Variants in GKAP1 observed in about 807,000 individuals in gnomAD.
The protein encoded by GKAP1 is G kinase-anchoring protein 1.
Under a neutral mutation model 56.7 loss-of-function variants are expected in GKAP1, and 31 were observed. The observed-to-expected ratio is 0.55, with a 90% CI of 0.41 to 0.74. The LOEUF (loss-of-function observed/expected upper bound fraction) is 0.74. Among genes scored for constraint, GKAP1 ranks in the 30% least tolerant of loss-of-function variants. The pLI, the probability that GKAP1 is intolerant of heterozygous loss-of-function variation, is 0.00. For synonymous variants in GKAP1, 151 were observed against 138.6 expected, an observed-to-expected ratio of 1.09 and a Z score of -0.63; for missense variants, 364 against 402.3, an observed-to-expected ratio of 0.90 and a Z score of 0.82.
intron 8 of GKAP1, among the ~76,000 whole-genome samples, chr9:83,754,634 T>G (rs1943444283): frequency 6.6e-6 from 1 of 152,020 alleles, no homozygotes; most frequent in Admixed American, 6.6e-5. Flanking sequence ...CCTGGAGAAT[T>G]TGAAGAAAAA....
At chr9:83,773,673 C>T (rs1447842384) in intron 7 of GKAP1, among the ~76,000 whole-genome samples, 2 of 152,060 alleles carry the variant, frequency 1.3e-5, no homozygotes, top group Admixed American at 6.6e-5. Flanking sequence ...TAGTGTTGAT[C>T]ATTTCCATGT....
At chr9:83,804,354 T>G (rs1440193893) in intron 3 of GKAP1, among the ~76,000 whole-genome samples, 71 of 68,250 alleles carry the variant, frequency 1.0e-3, no homozygotes, top group South Asian at 3.9e-3. Flanking sequence ...GGTGGGGGGG[T>G]CAGCCCCCCG....
chr9:83,789,835 C>A (rs1314058203), intron 4 of GKAP1, among the ~76,000 whole-genome samples: 1 of 152,166 alleles, frequency 6.6e-6, no homozygotes, highest in African/African-American at 2.4e-5. Context: ...TGCCTCTGAG[C>A]ACTCCCAAAT....
intron 8 of GKAP1, among the ~76,000 whole-genome samples, chr9:83,754,752 T>G (rs1478023887): frequency 6.6e-6 from 1 of 152,226 alleles, no homozygotes; most frequent in Non-Finnish European, 1.5e-5. Context: ...AAGAACAGTC[T>G]GCACATTATT....
intron 2 of GKAP1, among the ~76,000 whole-genome samples, chr9:83,807,313 T>C (rs1564216443): frequency 6.6e-6 from 1 of 152,196 alleles, no homozygotes; most frequent in Non-Finnish European, 1.5e-5. Context: ...CTTCCCTTAG[T>C]TCTTTCTGGA....
Position 83,817,687 on chromosome 9 carries a change from G to A in GKAP1, c.-346C>T, listed in dbSNP as rs1250993769. ...GGGGGTCGCGGTCGGCCCACAGGCT[G>A]GGCACTAACGGGTCCCGGGGCGCCG... is the stretch of plus-strand genomic sequence containing the variant. On this transcript the variant is annotated 5_prime_UTR_variant, in exon 1 of 13. Coordinates refer to ENST00000376371, the MANE Select transcript of GKAP1 (RefSeq NM_025211.4). 2.0e-5 allele frequency: 3 copies of A among 151,430 alleles called. No homozygotes were observed. The highest frequency in any genetic ancestry group is 2.1e-4 in the South Asian group (1 of 4,832). 9.4% of individuals were successfully genotyped at this position (151,430 alleles called of 1,614,324 possible). A position where few individuals can be genotyped will look rare whatever the true frequency, so the allele number is the denominator to read the frequency against.
intron 8 of GKAP1, among the ~76,000 whole-genome samples, chr9:83,758,400 C>G (rs554569071): frequency 2.4e-4 from 36 of 152,096 alleles, no homozygotes; most frequent in African/African-American, 8.7e-4. Flanking sequence ...TTTTAAAATA[C>G]CTATGCATCT....
intron 6 of GKAP1, among the ~76,000 whole-genome samples, chr9:83,781,779 G>A (rs998940464): frequency 1.7e-4 from 26 of 151,770 alleles, no homozygotes; most frequent in Admixed American, 3.9e-4. Flanking sequence ...ATCAAATGTG[G>A]AAAACAGGAG....
intron 8 of GKAP1, among the ~76,000 whole-genome samples, chr9:83,758,535 C>T (rs1943514283): frequency 6.6e-6 from 1 of 151,922 alleles, no homozygotes; most frequent in Non-Finnish European, 1.5e-5. Context: ...GAGTTCGAGA[C>T]CAGCCTGGCC....
At chr9:83,809,995 G>C (rs192077336) in intron 2 of GKAP1, among the ~76,000 whole-genome samples, 4 of 152,154 alleles carry the variant, frequency 2.6e-5, no homozygotes, top group African/African-American at 9.6e-5. Flanking sequence ...TTTTTTTATA[G>C]AGATGGGGGT....
At chr9:83,806,920 CA>C (rs938350681) in intron 2 of GKAP1, among the ~76,000 whole-genome samples, 4 of 151,142 alleles carry the variant, frequency 2.6e-5, no homozygotes, top group Admixed American at 1.3e-4. Flanking sequence ...TCATGATACA[CA>C]AAAAAAAGAC....
chr9:83,744,797 A>G (rs1443522202), intron 10 of GKAP1, among the ~76,000 whole-genome samples: 2 of 152,194 alleles, frequency 1.3e-5, no homozygotes, highest in Non-Finnish European at 2.9e-5. Flanking sequence ...ATAGTTCCAT[A>G]TGGCTGGGAG....
chr9:83,815,768 C>A (rs1400146359), intron 2 of GKAP1, among the ~76,000 whole-genome samples: 1 of 152,194 alleles, frequency 6.6e-6, no homozygotes, highest in East Asian at 1.9e-4. Context: ...TCGAAATTAA[C>A]TGAGCGTAAT....
intron 10 of GKAP1, among the ~76,000 whole-genome samples, chr9:83,744,421 T>C (rs146983099): frequency 6.6e-6 from 1 of 152,316 alleles, no homozygotes; most frequent in East Asian, 1.9e-4. Flanking sequence ...ACCCATCTGG[T>C]CTGACAACTT....
At chr9:83,761,657 A>C (rs1943573379) in intron 8 of GKAP1, among the ~76,000 whole-genome samples, 1 of 139,204 alleles carries the variant, frequency 7.2e-6, no homozygotes, top group South Asian at 2.3e-4. Context: ...TGATGCAAAA[A>C]ATCCACAAAA....
chr9:83,794,991 A>G (rs530128603), intron 4 of GKAP1, among the ~76,000 whole-genome samples: 153 of 152,126 alleles, frequency 1.0e-3, no homozygotes, highest in Non-Finnish European at 1.4e-3. Context: ...CCTCCACTAA[A>G]AAACAATACA....
chr9:83,754,482 T>C (rs1943442450), intron 8 of GKAP1, among the ~76,000 whole-genome samples: 1 of 152,222 alleles, frequency 6.6e-6, no homozygotes, highest in African/African-American at 2.4e-5. Flanking sequence ...TCTGTGTTTC[T>C]TTTCTAGATT....
chr9:83,769,558 G>C (rs1263711750), intron 7 of GKAP1, among the ~76,000 whole-genome samples: 5 of 152,170 alleles, frequency 3.3e-5, no homozygotes, highest in Admixed American at 3.3e-4. Context: ...TATATGGCTT[G>C]TATCAGCACT....
chr9:83,796,241 A>C (rs1022966598), intron 4 of GKAP1, among the ~76,000 whole-genome samples: 1 of 151,556 alleles, frequency 6.6e-6, no homozygotes, highest in African/African-American at 2.4e-5. Context: ...CTATCAACAT[A>C]ATCTCTAATA....
Sources: allele counts gnomAD v4.1 joint callset (sites outside exome capture counted in the v4.1 genomes callset), GRCh38; gene constraint gnomAD v4.1.1; transcripts MANE v1.5; gene names NCBI Gene and HGNC (gene_info 2026-07-23, HGNC 2026-07-21).